LINGO2: variants seen among roughly 807,000 people sequenced by gnomAD.
LINGO2 encodes leucine rich repeat and Ig domain containing 2.
In LINGO2, 14 loss-of-function variants were observed where a neutral mutation model predicts 30.6. The observed-to-expected ratio is 0.46, with a 90% confidence interval of 0.30 to 0.72. The LOEUF is 0.72. Among genes scored for constraint, LINGO2 ranks in the 30% least tolerant of loss-of-function variants. LINGO2 has a pLI of 0.07. For synonymous variants in LINGO2, 317 were observed against 288.5 expected (o/e 1.10, Z -1.00); for missense variants, 729 against 751.7 (o/e 0.97, Z 0.35).
intron 4 of LINGO2, among the ~76,000 whole-genome samples, chr9:28,108,699 C>G (rs981880711): frequency 2.6e-5 from 4 of 152,032 alleles, no homozygotes; most frequent in Admixed American, 2.6e-4. Flanking sequence ...TAAAAAGAGT[C>G]CCAAAGGATG....
intron 4 of LINGO2, among the ~76,000 whole-genome samples, chr9:28,133,985 C>T (rs1827445307): frequency 6.6e-6 from 1 of 152,098 alleles, no homozygotes; most frequent in Admixed American, 6.6e-5. Context: ...TAAATAATAC[C>T]ATCATCTACC....
chr9:28,058,831 A>T (rs959871120), intron 4 of LINGO2, among the ~76,000 whole-genome samples: 16 of 152,188 alleles, frequency 1.1e-4, no homozygotes, highest in Admixed American at 9.2e-4. Context: ...TAAGATATTA[A>T]AAATATAGCT....
At chr9:28,744,628 G>GTGTGTGTGTGTGTGTGTGTC in the LINGO2 span, among the ~76,000 whole-genome samples, 1 of 144,558 alleles carries the variant, frequency 6.9e-6, no homozygotes, top group Non-Finnish European at 1.5e-5. Context: ...GTGTGTGTGT[G>GTGTGTGTGTGTGTGTGTGTC]TGTGTGTGTG....
chr9:28,062,582 AAT>A, intron 4 of LINGO2, among the ~76,000 whole-genome samples: 1 of 143,284 alleles, frequency 7.0e-6, no homozygotes, highest in South Asian at 2.2e-4. Flanking sequence ...TACACAATCA[AAT>A]ATATATATTT....
chr9:28,481,783 C>A (rs1825977936), intron 1 of LINGO2, among the ~76,000 whole-genome samples: 1 of 151,432 alleles, frequency 6.6e-6, no homozygotes, highest in Non-Finnish European at 1.5e-5. Flanking sequence ...CTCCCCCCAC[C>A]CCACAACAGT....
chr9:28,814,526 G>A, the LINGO2 span, among the ~76,000 whole-genome samples: 2 of 152,040 alleles, frequency 1.3e-5, no homozygotes, highest in African/African-American at 4.8e-5. Flanking sequence ...ATAGCCCTTG[G>A]CAAGTTTCCC....
chr9:28,888,171 C>T, the LINGO2 span, among the ~76,000 whole-genome samples: 4 of 152,034 alleles, frequency 2.6e-5, no homozygotes, highest in Non-Finnish European at 5.9e-5. Flanking sequence ...ATGTAGGATA[C>T]ACATCATCAA....
chr9:28,587,822 C>T (rs1424196880), intron 1 of LINGO2, among the ~76,000 whole-genome samples: 1 of 151,876 alleles, frequency 6.6e-6, no homozygotes, highest in African/African-American at 2.4e-5. Flanking sequence ...CCACATTTCC[C>T]CCTCCCTAAC....
At chr9:28,331,485 A>G (rs1255563143) in intron 3 of LINGO2, among the ~76,000 whole-genome samples, 2 of 152,116 alleles carry the variant, frequency 1.3e-5, no homozygotes, top group African/African-American at 2.4e-5. Context: ...TTCTTCCCAC[A>G]TAACTAATAT....
chr9:28,453,251 G>A (rs1824717509), intron 2 of LINGO2, among the ~76,000 whole-genome samples: 1 of 151,870 alleles, frequency 6.6e-6, no homozygotes, highest in African/African-American at 2.4e-5. Context: ...AATTTATTAT[G>A]AAAGATGCTC....
chr9:29,177,609 G>GA, the LINGO2 span, among the ~76,000 whole-genome samples: 4 of 152,036 alleles, frequency 2.6e-5, no homozygotes, highest in African/African-American at 9.7e-5. Flanking sequence ...TCCAAGACTT[G>GA]AAAAATAATA....
chr9:28,783,848 A>G, the LINGO2 span, among the ~76,000 whole-genome samples: 1 of 152,212 alleles, frequency 6.6e-6, no homozygotes, highest in Non-Finnish European at 1.5e-5. Context: ...AGATCAAGAC[A>G]GTGGCAGATC....
intron 4 of LINGO2, among the ~76,000 whole-genome samples, chr9:28,252,937 C>T (rs963490537): frequency 9.2e-5 from 14 of 151,914 alleles, no homozygotes; most frequent in Non-Finnish European, 5.9e-5. Flanking sequence ...TTTCTCTACA[C>T]TTAAAAAATA....
At chr9:28,936,367 C>T in the LINGO2 span, among the ~76,000 whole-genome samples, 1 of 151,994 alleles carries the variant, frequency 6.6e-6, no homozygotes, top group Non-Finnish European at 1.5e-5. Context: ...CAGAAGGTCA[C>T]CAAAAAATGG....
chr9:29,021,635 C>G, the LINGO2 span, among the ~76,000 whole-genome samples: 1 of 145,280 alleles, frequency 6.9e-6, no homozygotes, highest in Non-Finnish European at 1.5e-5. Flanking sequence ...CCAGCCTGGG[C>G]AACAGTGTGA....
chr9:28,379,789 T>C (rs1483686132), intron 2 of LINGO2, among the ~76,000 whole-genome samples: 1 of 152,002 alleles, frequency 6.6e-6, no homozygotes, highest in Admixed American at 6.6e-5. Flanking sequence ...CACAAACAAA[T>C]GGGACACAAT....
At chr9:28,043,100 A>G (rs150661719) in intron 4 of LINGO2, among the ~76,000 whole-genome samples, 5 of 152,344 alleles carry the variant, frequency 3.3e-5, no homozygotes, top group Non-Finnish European at 5.9e-5. Flanking sequence ...GGTGTTAATG[A>G]GACACTCTGC....
chr9:28,482,784 C>T (rs1365858464), intron 1 of LINGO2, among the ~76,000 whole-genome samples: 1 of 152,078 alleles, frequency 6.6e-6, no homozygotes, highest in African/African-American at 2.4e-5. Flanking sequence ...GGAAAACTGG[C>T]TAGCCATATG....
chr9:28,247,826 A>G (rs1822058047), intron 4 of LINGO2, among the ~76,000 whole-genome samples: 1 of 152,222 alleles, frequency 6.6e-6, no homozygotes, highest in Non-Finnish European at 1.5e-5. Flanking sequence ...TCAAAAGAAG[A>G]CATACAAATG....
Sources: allele counts gnomAD v4.1 joint callset (sites outside exome capture counted in the v4.1 genomes callset), GRCh38; gene constraint gnomAD v4.1.1; transcripts MANE v1.5; gene names NCBI Gene and HGNC (gene_info 2026-07-23, HGNC 2026-07-21).